IP6K2: variants seen among roughly 807,000 people sequenced by gnomAD.
IP6K2 encodes ATP:1D-myo-inositol-hexakisphosphate phosphotransferase.
Under a neutral mutation model 43.3 loss-of-function variants are expected in IP6K2, and 9 were observed. The observed-to-expected ratio is 0.21, with a 90% CI of 0.13 to 0.36. The LOEUF is 0.36. Ranked by LOEUF, IP6K2 falls within the 10% of genes least tolerant of loss-of-function variation. The probability of loss-of-function intolerance (pLI) is 1.00; values close to 1 mark genes in which losing one functional copy is unlikely to be tolerated. For synonymous variants in IP6K2, 209 were observed against 202.4 expected, an observed-to-expected ratio of 1.03 and a Z score of -0.28; for missense variants, 332 against 538.4, an observed-to-expected ratio of 0.62 and a Z score of 3.79.
At chr3:48,694,350 T>A in intron 2 of IP6K2, 1 of 1,546,470 alleles carries the variant, frequency 6.5e-7, no homozygotes, top group Non-Finnish European at 8.7e-7. Context: ...GTACATTCTG[T>A]CCTTAAAGAC....
At position 48,691,498 on chromosome 3, in the gene IP6K2, G is replaced by A. The variant is rs751158796; in HGVS notation, c.429-16C>T. 15 of 1,584,268 alleles carry A rather than the reference G, an allele frequency of 9.5e-6. No homozygotes were observed. The highest frequency in any genetic ancestry group is 8.6e-5 in the Admixed American group (5 of 58,048). On this transcript the variant is annotated splice_polypyrimidine_tract_variant and intron_variant, in intron 3 of 5. Transcript: ENST00000328631. ...TAACTTATGGCTATAAAGAGATAAGGACCAATAAATCAGTATGTCTTATCA... is the reference window on the plus strand; with the variant it reads ...TAACTTATGGCTATAAAGAGATAAGAACCAATAAATCAGTATGTCTTATCA...
At position 48,695,297 on chromosome 3, in the gene IP6K2, G is replaced by C; in HGVS notation, c.-6C>G. The C allele has an allele frequency of 6.3e-7, 1 of 1,599,102 alleles. No homozygotes were observed. Among genetic ancestry groups the C allele is most frequent in the Non-Finnish European group, 8.5e-7 (1 of 1,170,012 alleles). ...GCCCTGAAGGCTGGGCTCATCCTCC[G>C]GGCGCAGATGGCGGGGAGATGGGGG... On this transcript the variant is annotated 5_prime_UTR_variant, in exon 2 of 6. Transcript: ENST00000328631. This position sits in a 1 kb window ranked among gnomAD's most constrained non-coding sequence, Gnocchi z 4.6.
intron 2 of IP6K2, chr3:48,693,784 T>A: frequency 1.9e-6 from 2 of 1,049,014 alleles, no homozygotes; most frequent in Non-Finnish European, 2.3e-6. Context: ...ATAAAATATG[T>A]TTTTATTGGT....
At chr3:48,711,663 T>G (rs991617191) in intron 1 of IP6K2, among the ~76,000 whole-genome samples, 1 of 152,196 alleles carries the variant, frequency 6.6e-6, no homozygotes, top group African/African-American at 2.4e-5. Context: ...GATGAAAAAT[T>G]GAAAATGTTT....
At chr3:48,714,996 C>T (rs2081036102) in intron 1 of IP6K2, among the ~76,000 whole-genome samples, 1 of 152,078 alleles carries the variant, frequency 6.6e-6, no homozygotes, top group Admixed American at 6.6e-5. Context: ...ATTGACTTCT[C>T]CAAATCCTGA....
intron 1 of IP6K2, among the ~76,000 whole-genome samples, chr3:48,702,791 T>C (rs1264762164): frequency 2.0e-5 from 3 of 152,168 alleles, no homozygotes; most frequent in Non-Finnish European, 4.4e-5. Context: ...ACAAGTTCCA[T>C]AAGGTCAGAT....
At chr3:48,693,991 AAACGACT>A in intron 2 of IP6K2, 1 of 1,378,346 alleles carries the variant, frequency 7.3e-7, no homozygotes, top group South Asian at 1.8e-5. Flanking sequence ...AGCGCCTTAC[AAACGACT>A]GGCTGAACAC....
chr3:48,696,173 G>A (rs1255824701), intron 1 of IP6K2, among the ~76,000 whole-genome samples: 2 of 151,744 alleles, frequency 1.3e-5, no homozygotes, highest in South Asian at 2.1e-4. Flanking sequence ...GTGAGCGACC[G>A]CACCCAGCCC....
intron 1 of IP6K2, among the ~76,000 whole-genome samples, chr3:48,712,367 C>G (rs112548599): frequency 1.7e-4 from 26 of 151,676 alleles, no homozygotes; most frequent in Middle Eastern, 6.8e-3. Flanking sequence ...CTCAGCCTCC[C>G]GAGTAGCTGG....
At chr3:48,707,595 C>T (rs1013925865) in intron 1 of IP6K2, among the ~76,000 whole-genome samples, 3 of 152,060 alleles carry the variant, frequency 2.0e-5, no homozygotes, top group African/African-American at 4.8e-5. Flanking sequence ...CCACCACGCC[C>T]GGCTAATTTT....
At chr3:48,708,384 T>C (rs1266816252) in intron 1 of IP6K2, 32 of 152,106 alleles carry the variant, frequency 2.1e-4, no homozygotes, top group Admixed American at 2.1e-3. Context: ...GTCTCATATG[T>C]CCCCTTTATC....
chr3:48,695,488 C>CA lies in IP6K2; in HGVS notation c.-130-68_-130-67insT. 10 of 1,307,392 alleles carry CA rather than the reference C, an allele frequency of 7.6e-6. No homozygotes were observed. Among genetic ancestry groups the CA allele is most frequent in the South Asian group, 5.3e-5 (2 of 37,922 alleles). 81.0% of individuals were successfully genotyped at this position (1,307,392 alleles called of 1,614,324 possible). A position where few individuals can be genotyped will look rare whatever the true frequency, so the allele number is the denominator to read the frequency against. On this transcript the variant is annotated intron_variant, in intron 1 of 5. Transcript: ENST00000328631. The surrounding 1 kb of genome is among the most constrained non-coding windows in gnomAD (Gnocchi z 4.6). ...GTGGGAAGTGCCTTAGAGCTGCTCACCCTGCTCCTTCAGCAGAAAGACAAA... is the reference window on the plus strand; with the variant it reads ...GTGGGAAGTGCCTTAGAGCTGCTCACACCTGCTCCTTCAGCAGAAAGACAAA...
chr3:48,691,537 C>G, intron 3 of IP6K2, 55 bp from the exon 4 acceptor site: 1 of 1,368,960 alleles, frequency 7.3e-7, no homozygotes, highest in Admixed American at 1.9e-5. Context: ...TTCAGAAGGC[C>G]GGGCATGGTG....
At chr3:48,706,883 T>C (rs542029701) in intron 1 of IP6K2, among the ~76,000 whole-genome samples, 11 of 152,292 alleles carry the variant, frequency 7.2e-5, no homozygotes, top group African/African-American at 2.2e-4. Flanking sequence ...GTAAGTACTA[T>C]AGAACTTTCT....
chr3:48,705,394 T>C (rs1183947242), intron 1 of IP6K2, among the ~76,000 whole-genome samples: 2 of 149,326 alleles, frequency 1.3e-5, no homozygotes, highest in Non-Finnish European at 1.5e-5. Flanking sequence ...AGAAGGAAGA[T>C]GGGGCCGGGC....
At chr3:48,709,699 T>C (rs779234818) in intron 1 of IP6K2, among the ~76,000 whole-genome samples, 34 of 151,870 alleles carry the variant, frequency 2.2e-4, no homozygotes, top group Non-Finnish European at 4.0e-4. Context: ...TAGCCGGGCG[T>C]GGTGGCAGGT....
intron 1 of IP6K2, among the ~76,000 whole-genome samples, chr3:48,705,879 A>T (rs1433354986): frequency 7.4e-6 from 1 of 135,678 alleles, no homozygotes; most frequent in Non-Finnish European, 1.6e-5. Flanking sequence ...AAAAAAATAA[A>T]AAAATAAAAA....
In IP6K2 at chr3:48,695,268, C is replaced by T. The variant is rs777494112; in HGVS notation, c.24G>A (p.Met8Ile). 1 of 1,594,288 alleles carries T rather than the reference C, an allele frequency of 6.3e-7. No homozygotes were observed. Among genetic ancestry groups the T allele is most frequent in the East Asian group, 2.2e-5 (1 of 44,480 alleles). The change falls in exon 2 of 6, where the codon ATG becomes ATA. Residue 8 changes from methionine to isoleucine, a missense_variant. Physicochemically the swap from Met to Ile is conservative, Grantham distance 10. Coordinates refer to ENST00000328631, the MANE Select transcript of IP6K2 (RefSeq NM_016291.4). The surrounding 1 kb of genome is among the most constrained non-coding windows in gnomAD (Gnocchi z 4.6). ...CGCCTTTGGCGCGGGGCTCCACATC[C>T]ATGGCCCTGAAGGCTGGGCTCATCC... MSPAFRA[M>I]DVEPRAKGVL...
chr3:48,692,254 A>G (rs939437533), intron 3 of IP6K2, among the ~76,000 whole-genome samples: 5 of 152,200 alleles, frequency 3.3e-5, no homozygotes, highest in African/African-American at 1.2e-4. Flanking sequence ...ATACCTCAAG[A>G]AAGTTGATTT....
Sources: gnomAD v4.1 joint callset for allele counts (sites outside exome capture counted in the v4.1 genomes callset) on GRCh38, gnomAD v4.1.1 for gene constraint, Gnocchi (gnomAD v3.1) non-coding constraint, MANE v1.5 for transcripts, NCBI Gene and HGNC (gene_info 2026-07-23, HGNC 2026-07-21) for gene names.